Variants in BCL7A observed in about 807,000 individuals in gnomAD.
BCL7A encodes BAF chromatin remodeling complex subunit BCL7A.
A neutral mutation model predicts 28.4 loss-of-function variants in BCL7A; 11 were observed. That is an observed-to-expected ratio of 0.39 (90% CI 0.24 to 0.64). The LOEUF (loss-of-function observed/expected upper bound fraction) is 0.64, where lower values mean the gene tolerates loss of function less well. BCL7A is among the 30% of genes least tolerant of loss of function. BCL7A has a pLI of 0.50. For synonymous variants in BCL7A, 123 were observed against 103.3 expected, an observed-to-expected ratio of 1.19 and a Z score of -1.15; for missense variants, 222 against 274.8, an observed-to-expected ratio of 0.81 and a Z score of 1.36.
chr12:122,037,812 G>T (rs921206131), intron 3 of BCL7A, among the ~76,000 whole-genome samples: 1 of 152,150 alleles, frequency 6.6e-6, no homozygotes, highest in Non-Finnish European at 1.5e-5. Context: ...AGCCAGGCGT[G>T]GGGGCGCGTG....
Position 122,061,609 on chromosome 12 carries a change from T to G in BCL7A, c.*2446T>G. ...CCCCCACCACAGAATCTAAGACCTT[T>G]CAGCTTCGAGCCAGGGGGCGGGGGA... On this transcript the variant is annotated 3_prime_UTR_variant, in exon 6 of 6. Coordinates refer to ENST00000261822, the MANE Select transcript of BCL7A (RefSeq NM_001024808.3). The G allele has an allele frequency of 5.9e-6, 1 of 169,360 alleles. No individual in the cohort carries two copies. Among genetic ancestry groups the G allele is most frequent in the Non-Finnish European group, 1.2e-5 (1 of 80,426 alleles). The allele number at this position is 169,360 out of a possible 1,614,324, so 10.5% of individuals were successfully genotyped here.
At chr12:122,024,564 G>A (rs1883573089) in intron 1 of BCL7A, among the ~76,000 whole-genome samples, 1 of 151,464 alleles carries the variant, frequency 6.6e-6, no homozygotes, top group African/African-American at 2.4e-5. Flanking sequence ...CGCGCCTTCG[G>A]ATTGGGTCTT....
At chr12:122,043,760 A>G (rs1884008557) in intron 3 of BCL7A, 126 bp from the exon 4 acceptor site, 2 of 971,464 alleles carry the variant, frequency 2.1e-6, no homozygotes, top group Non-Finnish European at 2.9e-6. Flanking sequence ...CGGTAACCAG[A>G]CCCCTCCCCG....
At chr12:122,033,441 G>T (rs1593025271) in intron 2 of BCL7A, among the ~76,000 whole-genome samples, 1 of 152,126 alleles carries the variant, frequency 6.6e-6, no homozygotes, top group African/African-American at 2.4e-5. Context: ...AGCCTCCCAA[G>T]TAGATAGGAC....
chr12:122,053,208 C>G (rs1040022015), intron 4 of BCL7A, among the ~76,000 whole-genome samples: 6 of 152,212 alleles, frequency 3.9e-5, no homozygotes, highest in African/African-American at 1.4e-4. Context: ...GTTGGCCAGG[C>G]TGGTCTTGAA....
At position 122,060,293 on chromosome 12, in the gene BCL7A, A is replaced by G. The variant is rs1951910117; in HGVS notation, c.*1130A>G. On this transcript the variant is annotated 3_prime_UTR_variant, in exon 6 of 6. Coordinates refer to ENST00000261822, the MANE Select transcript of BCL7A (RefSeq NM_001024808.3). ...CTCAGGCTGTTCTGACTCTGAGCCA[A>G]CAGCTGGACCGTGTCTCATCCCCAG... is the stretch of plus-strand genomic sequence containing the variant. The G allele has an allele frequency of 4.3e-6, 1 of 232,816 alleles. No homozygotes were observed. The highest frequency in any genetic ancestry group is 8.5e-6 in the Non-Finnish European group (1 of 117,606). 14.4% of individuals were successfully genotyped at this position (232,816 alleles called of 1,614,324 possible). A position where few individuals can be genotyped will look rare whatever the true frequency, so the allele number is the denominator to read the frequency against.
intron 3 of BCL7A, among the ~76,000 whole-genome samples, chr12:122,039,603 C>T (rs1883928860): frequency 6.7e-6 from 1 of 149,046 alleles, no homozygotes; most frequent in African/African-American, 2.5e-5. Context: ...CCTGTCATCC[C>T]AGCACTTTAG....
chr12:122,054,288 C>T (rs1343865502), intron 4 of BCL7A, among the ~76,000 whole-genome samples: 1 of 152,138 alleles, frequency 6.6e-6, no homozygotes, highest in Non-Finnish European at 1.5e-5. Flanking sequence ...GGGGTTTCAC[C>T]GTGTTAGCCA....
At chr12:122,036,543 A>G (rs1883859775) in intron 3 of BCL7A, among the ~76,000 whole-genome samples, 1 of 152,126 alleles carries the variant, frequency 6.6e-6, no homozygotes, top group Non-Finnish European at 1.5e-5. Flanking sequence ...AAACGTGCAA[A>G]TGATGTGTGT....
Position 122,028,509 on chromosome 12 carries a change from T to G in BCL7A, c.93-2191T>G, listed in dbSNP as rs184569466. ...ATGAGTAATGAATGGCTTTGGCCAATCTGCATGGAGTCCTGGCAATTTGTC... is the reference window on the plus strand; with the variant it reads ...ATGAGTAATGAATGGCTTTGGCCAAGCTGCATGGAGTCCTGGCAATTTGTC... On this transcript the variant is annotated intron_variant, in intron 1 of 5. Coordinates refer to ENST00000261822, the MANE Select transcript of BCL7A (RefSeq NM_001024808.3). Among the ~76,000 whole-genome samples the G allele has an allele frequency of 4.2e-3, 636 of 152,182 alleles. 5 individuals carry two copies. Among genetic ancestry groups the G allele is most frequent in the African/African-American group, 0.014 (597 of 41,512 alleles).
At chr12:122,058,055 G>C (rs1278770156) in intron 5 of BCL7A, among the ~76,000 whole-genome samples, 1 of 151,904 alleles carries the variant, frequency 6.6e-6, no homozygotes, top group Non-Finnish European at 1.5e-5. Flanking sequence ...AAATCATCCG[G>C]GCATGGTGGC....
chr12:122,032,327 T>C (rs1883762918), intron 2 of BCL7A, among the ~76,000 whole-genome samples: 1 of 152,178 alleles, frequency 6.6e-6, no homozygotes, highest in South Asian at 2.1e-4. Flanking sequence ...TCTCTCCGCA[T>C]CTCCCAGGGA....
chr12:122,032,800 G>A (rs1376952327), intron 2 of BCL7A, among the ~76,000 whole-genome samples: 1 of 152,172 alleles, frequency 6.6e-6, no homozygotes, highest in Non-Finnish European at 1.5e-5. Flanking sequence ...GCCGAGAAAT[G>A]CAAATTCCCT....
In BCL7A at chr12:122,022,070, C is replaced by T. The variant is rs1159859590; in HGVS notation, c.-22C>T. On this transcript the variant is annotated 5_prime_UTR_variant, in exon 1 of 6. Coordinates refer to ENST00000261822, the MANE Select transcript of BCL7A (RefSeq NM_001024808.3). ...AGGACCCGGCGGGCGCGCTCCCCAGCCTCCGTCTCCCCGCCGGAACCATGT... is the reference window on the plus strand; with the variant it reads ...AGGACCCGGCGGGCGCGCTCCCCAGTCTCCGTCTCCCCGCCGGAACCATGT... The T allele has an allele frequency of 9.1e-6, 14 of 1,539,098 alleles. No homozygotes were observed. The highest frequency in any genetic ancestry group is 2.3e-5 in the South Asian group (2 of 85,876).
At chr12:122,058,385 A>T (rs1000062603) in intron 5 of BCL7A, among the ~76,000 whole-genome samples, 5 of 151,642 alleles carry the variant, frequency 3.3e-5, no homozygotes, top group African/African-American at 1.2e-4. Context: ...TTAGCCAGGC[A>T]TGGTGGTGTG....
rs914092484 is a variant in BCL7A at position 122,048,213 on chromosome 12, A to T, written c.439+4160A>T. ...CCACTGCGCCTAGGCTGAGAAAGCT[A>T]TTTTTTTTTTTTAAGAAAACTGGGA... On this transcript the variant is annotated intron_variant, in intron 4 of 5. Coordinates refer to ENST00000261822, the MANE Select transcript of BCL7A (RefSeq NM_001024808.3). 2.7e-5 allele frequency among the ~76,000 whole-genome samples: 4 copies of T among 149,106 alleles called. No individual in the cohort carries two copies. The East Asian group carries it at 5.9e-4, about 22-fold the overall frequency.
intron 2 of BCL7A, among the ~76,000 whole-genome samples, chr12:122,034,785 C>T: frequency 6.6e-6 from 1 of 152,046 alleles, no homozygotes; most frequent in East Asian, 1.9e-4. Flanking sequence ...AAAGCATCCC[C>T]ATCCTCCCTC....
chr12:122,022,072 T>C lies in BCL7A; in HGVS notation c.-20T>C. On this transcript the variant is annotated 5_prime_UTR_variant, in exon 1 of 6. Coordinates refer to ENST00000261822, the MANE Select transcript of BCL7A (RefSeq NM_001024808.3). ...GACCCGGCGGGCGCGCTCCCCAGCC[T>C]CCGTCTCCCCGCCGGAACCATGTCG... 6.5e-7 allele frequency: 1 copy of C among 1,535,838 alleles called. No homozygotes were observed. The highest frequency in any genetic ancestry group is 8.8e-7 in the Non-Finnish European group (1 of 1,139,310).
chr12:122,023,162 C>T (rs2135834165), intron 1 of BCL7A, among the ~76,000 whole-genome samples: 1 of 152,342 alleles, frequency 6.6e-6, no homozygotes, highest in South Asian at 2.1e-4. Context: ...GAATCGGCCC[C>T]TGGGCCAGGC....
Sources: allele counts gnomAD v4.1 joint callset (sites outside exome capture counted in the v4.1 genomes callset), GRCh38; gene constraint gnomAD v4.1.1; transcripts MANE v1.5; gene names NCBI Gene and HGNC (gene_info 2026-07-23, HGNC 2026-07-21).